OPN3: variants seen among roughly 807,000 people sequenced by gnomAD.
OPN3 encodes the protein opsin-3.
A neutral mutation model predicts 33.8 loss-of-function variants in OPN3; 29 were observed. The observed-to-expected ratio is 0.86, with a 90% CI of 0.64 to 1.17. The LOEUF is 1.17. Among genes scored for constraint, OPN3 ranks in the 50% most tolerant of loss-of-function variants. The probability of loss-of-function intolerance (pLI) is 0.00; values close to 1 mark genes in which losing one functional copy is unlikely to be tolerated. For synonymous variants in OPN3, 216 were observed against 216.1 expected (o/e 1.00, Z 0.00); for missense variants, 437 against 514.1 (o/e 0.85, Z 1.45).
intron 1 of OPN3, chr1:241,634,415 T>A (rs550461531): frequency 1.3e-5 from 21 of 1,613,786 alleles, no homozygotes; most frequent in Non-Finnish European, 1.7e-5. Context: ...GATCTGCTTA[T>A]ACTGCACATT....
chr1:241,596,695 C>T (rs1573948769), intron 3 of OPN3, among the ~76,000 whole-genome samples: 1 of 152,168 alleles, frequency 6.6e-6, no homozygotes, highest in African/African-American at 2.4e-5. Flanking sequence ...AGTAATTAAG[C>T]ATTATCTTTA....
chr1:241,626,422 T>C (rs1283188902), intron 1 of OPN3, among the ~76,000 whole-genome samples: 1 of 69,694 alleles, frequency 1.4e-5, no homozygotes, highest in Non-Finnish European at 2.6e-5. Context: ...TTCTCATCTT[T>C]TGCTTTTTAC....
At chr1:241,613,537 G>A (rs1250961170) in intron 1 of OPN3, among the ~76,000 whole-genome samples, 2 of 152,252 alleles carry the variant, frequency 1.3e-5, no homozygotes, top group East Asian at 3.9e-4. Context: ...CGTATGTTCT[G>A]TAACCATGTC....
At chr1:241,608,579 G>A (rs1663900497) in intron 1 of OPN3, among the ~76,000 whole-genome samples, 1 of 152,212 alleles carries the variant, frequency 6.6e-6, no homozygotes. Flanking sequence ...TTGGCAGGCT[G>A]TCAGGAAAAG....
intron 1 of OPN3, chr1:241,629,498 A>G (rs1664533255): frequency 6.6e-6 from 1 of 152,092 alleles, no homozygotes; most frequent in Non-Finnish European, 1.5e-5. Context: ...AAGAGTACAA[A>G]CCCTTATGGA....
chr1:241,633,725 ACTGTCCT>A, intron 1 of OPN3: 1 of 1,522,644 alleles, frequency 6.6e-7, no homozygotes, highest in South Asian at 1.2e-5. Context: ...CATATGGGAA[ACTGTCCT>A]TTAAATGAGA....
In OPN3 at chr1:241,640,337, G is replaced by T. The variant is rs183350084; in HGVS notation, c.-83C>A. 5.6e-6 allele frequency: 6 copies of T among 1,068,400 alleles called. No homozygotes were observed. The highest frequency in any genetic ancestry group is 1.7e-5 in the African/African-American group (1 of 58,858). The allele number at this position is 1,068,400 out of a possible 1,614,324, so 66.2% of individuals were successfully genotyped here. On this transcript the variant is annotated 5_prime_UTR_variant, in exon 1 of 4. Coordinates refer to ENST00000366554, the MANE Select transcript of OPN3 (RefSeq NM_014322.3). ...GCGCGCTCCGCACTGGGTGGGGTTG[G>T]GGCTCCGCCGCCTGCTCTAGCCATT... is the stretch of plus-strand genomic sequence containing the variant.
intron 1 of OPN3, chr1:241,635,229 T>C (rs752141903): frequency 6.2e-7 from 1 of 1,613,662 alleles, no homozygotes; most frequent in South Asian, 1.1e-5. Flanking sequence ...CCACAATACT[T>C]TTCCTTCTCC....
At chr1:241,626,482 T>C (rs1444148569) in intron 1 of OPN3, among the ~76,000 whole-genome samples, 2 of 152,176 alleles carry the variant, frequency 1.3e-5, no homozygotes, top group Non-Finnish European at 2.9e-5. Flanking sequence ...TCATTACCAA[T>C]GTTATGTATT....
rs1251241094 is a variant in OPN3 at position 241,593,553 on chromosome 1, T to C, written c.*875A>G. The stretch of plus-strand genomic sequence containing the variant: ...AGGGAAAGAAAAAATAATTTTTCCT[T>C]CTACCCACTTTAGGTTCCTTGGCTG... On this transcript the variant is annotated 3_prime_UTR_variant, in exon 4 of 4. Transcript: ENST00000366554. The C allele has an allele frequency of 4.1e-6, 1 of 246,656 alleles. No individual in the cohort carries two copies. The highest frequency in any genetic ancestry group is 9.1e-6 in the Non-Finnish European group (1 of 109,936). The allele number at this position is 246,656 out of a possible 1,614,324, so 15.3% of individuals were successfully genotyped here.
intron 1 of OPN3, chr1:241,639,273 C>T (rs187696802): frequency 6.6e-6 from 1 of 152,250 alleles, no homozygotes; most frequent in Non-Finnish European, 1.5e-5. Flanking sequence ...GTAAAAACAG[C>T]TTACAGGGCA....
intron 1 of OPN3, chr1:241,635,265 C>T: frequency 6.2e-7 from 1 of 1,613,940 alleles, no homozygotes; most frequent in Non-Finnish European, 8.5e-7. Context: ...TCAGTTACTT[C>T]TAGTGAAATC....
chr1:241,619,685 C>CA (rs1018840054), intron 1 of OPN3, among the ~76,000 whole-genome samples: 28 of 152,340 alleles, frequency 1.8e-4, no homozygotes, highest in Admixed American at 1.5e-3. Context: ...GTTGGGGAGA[C>CA]ATGGGCAGTT....
chr1:241,628,364 T>C (rs2148018397), intron 1 of OPN3, among the ~76,000 whole-genome samples: 1 of 152,342 alleles, frequency 6.6e-6, no homozygotes, highest in East Asian at 1.9e-4. Flanking sequence ...TGCCAATTCA[T>C]AACCCACAGT....
chr1:241,628,053 G>A (rs1664473121), intron 1 of OPN3, among the ~76,000 whole-genome samples: 1 of 152,158 alleles, frequency 6.6e-6, no homozygotes, highest in Admixed American at 6.5e-5. Flanking sequence ...AATGTCATCC[G>A]AAATAGACTT....
intron 1 of OPN3, chr1:241,634,207 T>C (rs745654356): frequency 1.2e-6 from 2 of 1,613,914 alleles, no homozygotes; most frequent in African/African-American, 2.7e-5. Flanking sequence ...ATTCTAAGTC[T>C]TCTCTTGCTG....
intron 2 of OPN3, 24 bp downstream of exon 2, chr1:241,604,236 G>A (rs780138079): frequency 7.5e-6 from 12 of 1,596,210 alleles, no homozygotes; most frequent in Admixed American, 1.7e-5. Flanking sequence ...TTTGGGAGGG[G>A]GGCATCTGTA....
intron 3 of OPN3, among the ~76,000 whole-genome samples, chr1:241,597,164 G>C (rs995526802): frequency 6.6e-6 from 1 of 152,086 alleles, no homozygotes; most frequent in Non-Finnish European, 1.5e-5. Context: ...ATTTAGGCTA[G>C]ACATTTGCTG....
chr1:241,607,708 GAGAA>G (rs1266358375), intron 1 of OPN3, among the ~76,000 whole-genome samples: 2 of 139,436 alleles, frequency 1.4e-5, no homozygotes, highest in South Asian at 2.3e-4. Context: ...AAGGAAGGAA[GAGAA>G]AGAAAGAGGA....
Sources: allele counts gnomAD v4.1 joint callset (sites outside exome capture counted in the v4.1 genomes callset), GRCh38; gene constraint gnomAD v4.1.1; transcripts MANE v1.5; gene names NCBI Gene and HGNC (gene_info 2026-07-23, HGNC 2026-07-21).